The following ST6GAL1 variants were observed in gnomAD, a reference collection of about 807,000 sequenced individuals.
The protein encoded by ST6GAL1 is ST6 beta-galactoside alpha-2,6-sialyltransferase 1.
A neutral mutation model predicts 38.0 loss-of-function variants in ST6GAL1; 20 were observed. The observed-to-expected ratio is 0.53, with a 90% CI of 0.37 to 0.77. The LOEUF is 0.77. ST6GAL1 is among the 30% of genes least tolerant of loss of function. The pLI, the probability that ST6GAL1 is intolerant of heterozygous loss-of-function variation, is 0.00. For synonymous variants in ST6GAL1, 196 were observed against 188.2 expected (o/e 1.04, Z -0.34); for missense variants, 432 against 496.4 (o/e 0.87, Z 1.23).
At chr3:187,021,959 C>T (rs759914103) in intron 2 of ST6GAL1, 1 of 152,154 alleles carries the variant, frequency 6.6e-6, no homozygotes, top group Non-Finnish European at 1.5e-5. Context: ...CTACACATCT[C>T]TTCATCTGTA....
At chr3:187,002,874 G>T (rs1446872777) in intron 2 of ST6GAL1, among the ~76,000 whole-genome samples, 1 of 152,170 alleles carries the variant, frequency 6.6e-6, no homozygotes, top group Non-Finnish European at 1.5e-5. Context: ...ACTATTTACG[G>T]TAGCAAAATA....
chr3:186,932,184 T>C (rs1404644544), intron 1 of ST6GAL1, among the ~76,000 whole-genome samples: 3 of 152,212 alleles, frequency 2.0e-5, no homozygotes, highest in South Asian at 2.1e-4. Context: ...TCCGCTGTTA[T>C]TGAAAAGGTC....
rs1475616407 is a variant in ST6GAL1 at position 187,037,539 on chromosome 3, A to AAAGAAGAAAGAGCTGACAGG, written c.-182-1202_-182-1183dup. On this transcript the variant is annotated intron_variant, in intron 2 of 7. Coordinates refer to ENST00000169298, the MANE Select transcript of ST6GAL1 (RefSeq NM_173216.2). ...TTTGCTATTTTCCTACATCGCATCA[A>AAAGAAGAAAGAGCTGACAGG]AAGAAGAAAGAGCTGACAGGTATAT... Among the ~76,000 whole-genome samples the AAAGAAGAAAGAGCTGACAGG allele has an allele frequency of 1.3e-4, 20 of 152,154 alleles. 1 individual carries two copies. The highest frequency in any genetic ancestry group is 2.9e-5 in the Non-Finnish European group (2 of 68,036).
chr3:186,934,653 C>G (rs1333552002), intron 1 of ST6GAL1, among the ~76,000 whole-genome samples: 4 of 152,080 alleles, frequency 2.6e-5, no homozygotes, highest in African/African-American at 9.7e-5. Context: ...GTATGAATCT[C>G]CTGGGGTTGT....
chr3:187,042,101 C>T (rs567091097), intron 3 of ST6GAL1: 1 of 152,740 alleles, frequency 6.5e-6, no homozygotes, highest in East Asian at 1.9e-4. Context: ...AAATCTATGG[C>T]ATCATCTATA....
chr3:186,985,992 T>A (rs1194502754), intron 2 of ST6GAL1, among the ~76,000 whole-genome samples: 1 of 152,150 alleles, frequency 6.6e-6, no homozygotes, highest in Non-Finnish European at 1.5e-5. Context: ...GACGCCTGTT[T>A]GAAATAAGTA....
chr3:186,942,467 T>C (rs143398059), intron 1 of ST6GAL1: 2 of 152,298 alleles, frequency 1.3e-5, no homozygotes, highest in African/African-American at 4.8e-5. Context: ...TCTGCATCCG[T>C]CTGTTGGTTG....
chr3:187,005,281 T>C (rs929103149), intron 2 of ST6GAL1, among the ~76,000 whole-genome samples: 6 of 144,562 alleles, frequency 4.2e-5, no homozygotes, highest in African/African-American at 7.6e-5. Flanking sequence ...TTTTTTTTTT[T>C]TTTTTTTTTT....
At chr3:186,959,226 C>T (rs1024233674) in intron 1 of ST6GAL1, among the ~76,000 whole-genome samples, 1 of 152,170 alleles carries the variant, frequency 6.6e-6, no homozygotes, top group African/African-American at 2.4e-5. Flanking sequence ...TTTGTCAGAG[C>T]TCACCCATGT....
rs71167027 is a variant in ST6GAL1 at position 186,993,556 on chromosome 3, T to TTTTATTTA, written c.-183+29672_-183+29679dup. Among the ~76,000 whole-genome samples, 480 of 88,236 alleles carry TTTTATTTA rather than the reference T, an allele frequency of 5.4e-3. 2 individuals are homozygous for TTTTATTTA. Among genetic ancestry groups the TTTTATTTA allele is most frequent in the Admixed American group, 6.5e-3 (63 of 9,710 alleles). The allele number at this position is 88,236 out of a possible 152,430, so 57.9% of individuals were successfully genotyped here. A position where few individuals can be genotyped will look rare whatever the true frequency, so the allele number is the denominator to read the frequency against. On this transcript the variant is annotated intron_variant, in intron 2 of 7. Coordinates refer to ENST00000169298, the MANE Select transcript of ST6GAL1 (RefSeq NM_173216.2). Reference sequence around the variant, plus strand: ...TTCTCAGTTAGATAACTTGACAGAGTTTTATTTATTTATTTATTTATTTAT... The same window carrying TTTTATTTA: ...TTCTCAGTTAGATAACTTGACAGAGTTTTATTTATTTATTTATTTATTTATTTATTTAT...
At chr3:187,072,023 A>C (rs1376576976) in intron 5 of ST6GAL1, 1 of 152,192 alleles carries the variant, frequency 6.6e-6, no homozygotes, top group Non-Finnish European at 1.5e-5. Context: ...GTATTGAGTC[A>C]AAGAGTATAA....
At chr3:186,957,001 A>G (rs34266471) in intron 1 of ST6GAL1, among the ~76,000 whole-genome samples, 4,873 of 152,342 alleles carry the variant, frequency 0.032, 129 homozygotes, top group Non-Finnish European at 0.05. Context: ...TTGCATTAAT[A>G]AAATAAAAGC....
At chr3:186,984,143 CT>C (rs1715784467) in intron 2 of ST6GAL1, among the ~76,000 whole-genome samples, 24 of 133,958 alleles carry the variant, frequency 1.8e-4, no homozygotes, top group Admixed American at 1.7e-3. Context: ...TGACTCTTCT[CT>C]CTCTCACACT....
chr3:187,022,324 A>C (rs573226936), intron 2 of ST6GAL1, among the ~76,000 whole-genome samples: 1 of 152,098 alleles, frequency 6.6e-6, no homozygotes, highest in African/African-American at 2.4e-5. Flanking sequence ...CAGAGGAAAG[A>C]TGGCTACAGA....
chr3:186,959,179 C>A (rs1456481784), intron 1 of ST6GAL1, among the ~76,000 whole-genome samples: 1 of 152,152 alleles, frequency 6.6e-6, no homozygotes, highest in Admixed American at 6.5e-5. Context: ...AAGAGCTTCC[C>A]TTTTCTGGTT....
chr3:187,042,623 C>T, intron 3 of ST6GAL1, 31 bp from the exon 4 acceptor site: 5 of 1,521,954 alleles, frequency 3.3e-6, no homozygotes, highest in Non-Finnish European at 3.5e-6. Flanking sequence ...TTCTTTACAT[C>T]ATTTGTTTTT....
chr3:187,055,186 T>C (rs1187032585), intron 5 of ST6GAL1, among the ~76,000 whole-genome samples: 3 of 152,140 alleles, frequency 2.0e-5, no homozygotes, highest in South Asian at 2.1e-4. Context: ...GATTCTTCTC[T>C]CTTTTCTTCT....
chr3:186,974,725 TTG>T (rs1560147637), intron 2 of ST6GAL1, among the ~76,000 whole-genome samples: 1 of 90,350 alleles, frequency 1.1e-5, no homozygotes, highest in East Asian at 2.4e-4. Context: ...GAGAGCCTGG[TTG>T]GGGGGGGGGC....
At chr3:187,014,246 C>T (rs73071418) in intron 2 of ST6GAL1, among the ~76,000 whole-genome samples, 2,807 of 152,324 alleles carry the variant, frequency 0.018, 84 homozygotes, top group African/African-American at 0.063. Flanking sequence ...AATAATAAAG[C>T]CGGGATCCAA....
Sources: allele counts gnomAD v4.1 joint callset (sites outside exome capture counted in the v4.1 genomes callset), GRCh38; gene constraint gnomAD v4.1.1; transcripts MANE v1.5; gene names NCBI Gene and HGNC (gene_info 2026-07-23, HGNC 2026-07-21).